Variants in FANCD2 observed in about 807,000 individuals in gnomAD.
The protein encoded by FANCD2 is FA complementation group D2, also known as Fanconi anemia group D2 protein.
Under a neutral mutation model 192.3 loss-of-function variants are expected in FANCD2, and 131 were observed. That is an observed-to-expected ratio of 0.68 (90% CI 0.59 to 0.79). FANCD2 has a LOEUF of 0.79. Ranked by LOEUF, FANCD2 falls within the 30% of genes least tolerant of loss-of-function variation. The pLI, the probability that FANCD2 is intolerant of heterozygous loss-of-function variation, is 0.00. For missense variants in FANCD2, 1,508 were observed against 1,701.6 expected (o/e 0.89, Z 2.00); for synonymous variants, 524 against 612.5 (o/e 0.86, Z 2.13).
At chr3:10,067,573 G>A (rs1168029116) in intron 26 of FANCD2, among the ~76,000 whole-genome samples, 4 of 152,184 alleles carry the variant, frequency 2.6e-5, no homozygotes, top group African/African-American at 9.7e-5. Context: ...CAAGGCGGGT[G>A]GATCACTTGA....
chr3:10,101,408 CG>C lies in FANCD2; in HGVS notation c.*150del, dbSNP rs1489984476. 4.6e-4 allele frequency: 253 copies of C among 553,950 alleles called. No individual in the cohort carries two copies. The African/African-American group carries it at 5.3e-3, about 11-fold the overall frequency. The allele number at this position is 553,950 out of a possible 1,614,324, so 34.3% of individuals were successfully genotyped here. ...TTTTTTTTTTTTTTTTTTTTAAAGA[CG>C]GGGACTCGCTGTGTTTCCCAGGCTG... On this transcript the variant is annotated 3_prime_UTR_variant, in exon 44 of 44. Transcript: ENST00000675286.
chr3:10,036,082 A>ATTTTTTTTTTTTTTTTTT (rs781686867), intron 6 of FANCD2, among the ~76,000 whole-genome samples: 7 of 103,860 alleles, frequency 6.7e-5, no homozygotes, highest in African/African-American at 3.2e-4. Context: ...AGAATTATAC[A>ATTTTTTTTTTTTTTTTTT]TTTCTTTTTT....
chr3:10,028,514 G>A (rs2086512488), intron 1 of FANCD2, 111 bp from the exon 2 acceptor site: 1 of 721,906 alleles, frequency 1.4e-6, no homozygotes, highest in Non-Finnish European at 2.5e-6. Context: ...CATTAATATG[G>A]AGATGTGAGC....
At chr3:10,030,403 T>C (rs1256391822) in intron 2 of FANCD2, among the ~76,000 whole-genome samples, 1 of 152,154 alleles carries the variant, frequency 6.6e-6, no homozygotes, top group Non-Finnish European at 1.5e-5. Flanking sequence ...GGCCTCATTA[T>C]GTCATTCTTA....
At chr3:10,050,790 C>T (rs567708890) in intron 17 of FANCD2, among the ~76,000 whole-genome samples, 1 of 151,364 alleles carries the variant, frequency 6.6e-6, no homozygotes, top group African/African-American at 2.4e-5. Flanking sequence ...GAATGAGTTT[C>T]AAGAGTGAGG....
chr3:10,042,751 C>T, intron 11 of FANCD2, 88 bp downstream of exon 11: 1 of 1,025,136 alleles, frequency 9.8e-7, no homozygotes, highest in Non-Finnish European at 1.6e-6. Context: ...AGAATACTGA[C>T]TAATCCGGAT....
chr3:10,101,365 T>G lies in FANCD2; in HGVS notation c.*103T>G. On this transcript the variant is annotated 3_prime_UTR_variant, in exon 44 of 44. Transcript: ENST00000675286. Reference sequence around the variant, plus strand: ...TTTGCCTTTCTTACTGGTAGGATCCTTTTTTGTTCCTCTTTTTTTTTTTTT... The same window carrying G: ...TTTGCCTTTCTTACTGGTAGGATCCGTTTTTGTTCCTCTTTTTTTTTTTTT... The G allele has an allele frequency of 2.8e-6, 2 of 715,552 alleles. No individual in the cohort carries two copies. The highest frequency in any genetic ancestry group is 2.4e-6 in the Non-Finnish European group (1 of 418,652). 44.3% of individuals were successfully genotyped at this position (715,552 alleles called of 1,614,324 possible).
intron 23 of FANCD2, 145 bp downstream of exon 23, chr3:10,065,020 C>T: frequency 6.0e-6 from 5 of 835,602 alleles, no homozygotes; most frequent in South Asian, 4.7e-5. Context: ...GGGGCAGATT[C>T]CTTGTTTTTT....
chr3:10,039,738 C>G lies in FANCD2; in HGVS notation c.588C>G (p.Ile196Met), dbSNP rs1329768362. ...TACTGCAGGACCTCACCACCAAGAT[C>G]ATGCAGCTGATCAGTATTGCTCCAG... is the stretch of plus-strand genomic sequence containing the variant. The part of the protein sequence containing the change: ...VVDGKDLTTK[I>M]MQLISIAPEN... The change falls in exon 9 of 44, where the codon ATC becomes ATG. Residue 196 changes from isoleucine (I) to methionine (M), a missense_variant. Ile to Met is a conservative substitution (Grantham distance 10, BLOSUM62 1). Around this residue, in one of 5 missense-constraint regions of FANCD2, gnomAD observed 435 missense variants for 421.9 expected, o/e 1.03. Transcript: ENST00000675286. 2 of 1,613,980 alleles carry G rather than the reference C, an allele frequency of 1.2e-6. No individual in the cohort carries two copies. The highest frequency in any genetic ancestry group is 1.1e-5 in the South Asian group (1 of 91,074).
rs1469809290 is a variant in FANCD2, at chr3:10,053,541, AAAT to A, written c.1656+1047_1656+1049del. Among the ~76,000 whole-genome samples, 612 of 147,618 alleles carry A rather than the reference AAAT, an allele frequency of 4.1e-3. 5 individuals are homozygous for A. Among genetic ancestry groups the A allele is most frequent in the African/African-American group, 0.015 (585 of 39,592 alleles). Reference sequence around the variant, plus strand: ...TTACAGTATAATAATAATAAAAATAAAATAAAATAGAATAAAATTAAAAAAAAT... The same window carrying A: ...TTACAGTATAATAATAATAAAAATAAAAAATAGAATAAAATTAAAAAAAAT... On this transcript the variant is annotated intron_variant, in intron 18 of 43. Coordinates refer to ENST00000675286, the MANE Select transcript of FANCD2 (RefSeq NM_001018115.3).
Position 10,051,143 on chromosome 3 carries a change from G to C in FANCD2, c.1546-1244G>C, listed in dbSNP as rs542995851. Among the ~76,000 whole-genome samples, 5 of 151,488 alleles carry C rather than the reference G, an allele frequency of 3.3e-5. No homozygotes were observed. In the South Asian group the frequency reaches 1.0e-3, roughly 31 times the overall value. On this transcript the variant is annotated intron_variant, in intron 17 of 43. Transcript: ENST00000675286. ...CGCCTGTAATCCCAGCACTTTGGGA[G>C]GCCGAGGTGGGCGGATCACGAGGTC... is the stretch of plus-strand genomic sequence containing the variant.
chr3:10,065,318 T>G, intron 23 of FANCD2, 76 bp from the exon 24 acceptor site: 5 of 973,012 alleles, frequency 5.1e-6, no homozygotes, highest in Non-Finnish European at 1.7e-6. Context: ...CCTATGTATG[T>G]GGAGTAATAT....
rs778758088 is a variant in FANCD2, at chr3:10,036,273, G to A, written c.439-14G>A. 4 of 1,606,442 alleles carry A rather than the reference G, an allele frequency of 2.5e-6. No individual in the cohort carries two copies. In the East Asian group the frequency reaches 6.7e-5, roughly 27 times the overall value. ...TTGAGATCATCTCCTAACTCCCTATGTCTTCTTTTTTAGCCTGCCATTATC... is the reference window on the plus strand; with the variant it reads ...TTGAGATCATCTCCTAACTCCCTATATCTTCTTTTTTAGCCTGCCATTATC... On this transcript the variant is annotated splice_polypyrimidine_tract_variant and intron_variant, in intron 6 of 43. Coordinates refer to ENST00000675286, the MANE Select transcript of FANCD2 (RefSeq NM_001018115.3).
chr3:10,061,368 A>G (rs2087562565), intron 19 of FANCD2, among the ~76,000 whole-genome samples: 1 of 151,950 alleles, frequency 6.6e-6, no homozygotes, highest in South Asian at 2.1e-4. Context: ...GATAGTCATC[A>G]CTCCCCTGTG....
intron 36 of FANCD2, among the ~76,000 whole-genome samples, chr3:10,089,374 CA>C (rs1694443645): frequency 1.3e-5 from 2 of 152,116 alleles, no homozygotes; most frequent in Non-Finnish European, 2.9e-5. Context: ...CTGATACAGA[CA>C]GTAGATATAA....
intron 3 of FANCD2, 122 bp from the exon 4 acceptor site, chr3:10,034,347 A>AAAAG: frequency 1.6e-6 from 1 of 639,560 alleles, no homozygotes. Context: ...AAAAAAAAAG[A>AAAAG]TTTGTCTCTG....
At chr3:10,044,214 C>T (rs1330668545) in intron 14 of FANCD2, among the ~76,000 whole-genome samples, 1 of 152,188 alleles carries the variant, frequency 6.6e-6, no homozygotes, top group African/African-American at 2.4e-5. Flanking sequence ...GCCTAATTGC[C>T]CTTCCTTCCA....
chr3:10,099,056 A>G (rs1559411357), intron 43 of FANCD2: 1 of 1,584,396 alleles, frequency 6.3e-7, no homozygotes, highest in Admixed American at 1.8e-5. Flanking sequence ...AGAGTTGACA[A>G]TTTTCTGCAT....
intron 6 of FANCD2, 49 bp downstream of exon 6, chr3:10,035,282 T>G: frequency 3.3e-6 from 5 of 1,506,640 alleles, no homozygotes; most frequent in Non-Finnish European, 4.6e-6. Flanking sequence ...AGGTTTGTGG[T>G]GTATGCTCAA....
Sources: allele counts gnomAD v4.1 joint callset (sites outside exome capture counted in the v4.1 genomes callset), GRCh38; gene constraint gnomAD v4.1.1; regional missense constraint gnomAD v4.1.1; transcripts MANE v1.5; gene names NCBI Gene and HGNC (gene_info 2026-07-23, HGNC 2026-07-21).